Variants in MRC2 observed in about 807,000 individuals in gnomAD.
The protein encoded by MRC2 is mannose receptor C-type 2.
In MRC2, 84 loss-of-function variants were observed where a neutral mutation model predicts 206.2. The observed-to-expected ratio is 0.41, with a 90% CI of 0.34 to 0.49. MRC2 has a LOEUF of 0.49. Among genes scored for constraint, MRC2 ranks in the 20% least tolerant of loss-of-function variants. The pLI is 0.31. For missense variants in MRC2, 1,676 were observed against 2,001.5 expected (o/e 0.84, Z 3.10); for synonymous variants, 798 against 800.0 (o/e 1.00, Z 0.04).
In MRC2 at chr17:62,680,851, A is replaced by G; in HGVS notation, c.2525A>G (p.His842Arg). Residue 842 changes from histidine to arginine, a missense_variant, in exon 17 of 30, where the codon CAC becomes CGC. Physicochemically the swap from His to Arg is conservative, Grantham distance 29. Around this residue, in one of 3 missense-constraint regions of MRC2, gnomAD observed 1,354 missense variants for 1,636.6 expected, o/e 0.83. Transcript: ENST00000303375. This position sits in a 1 kb window ranked among gnomAD's most constrained non-coding sequence, Gnocchi z 4.8. The stretch of plus-strand genomic sequence containing the variant: ...GAGGCCGAGTACAAGTTCTTTGAGC[A>G]CCACTCCACGTGGGCGCAGGCGCAG... ...FQEAEYKFFEHHSTWAQAQRI... is the reference protein window; with the variant it reads ...FQEAEYKFFERHSTWAQAQRI... 6.2e-7 allele frequency: 1 copy of G among 1,613,070 alleles called. No homozygotes were observed. The highest frequency in any genetic ancestry group is 1.7e-5 in the Admixed American group (1 of 60,002).
Position 62,680,492 on chromosome 17 carries a change from G to A in MRC2, c.2473+39G>A. ...AGCCCATCCCGCTACCCATCGCGTG[G>A]GAGAGGGCGTCAACTCTGGGGTAAG... On this transcript the variant is annotated intron_variant, in intron 16 of 29. Transcript: ENST00000303375. The surrounding 1 kb of genome is among the most constrained non-coding windows in gnomAD (Gnocchi z 4.8). 5 of 1,613,038 alleles carry A rather than the reference G, an allele frequency of 3.1e-6. No individual in the cohort carries two copies. In the South Asian group the frequency reaches 3.3e-5, roughly 11 times the overall value.
chr17:62,649,110 C>T (rs1164359684), intron 1 of MRC2, among the ~76,000 whole-genome samples: 1 of 152,236 alleles, frequency 6.6e-6, no homozygotes, highest in African/African-American at 2.4e-5. Context: ...AGCAGAGGTG[C>T]GAACCTGGGT....
chr17:62,678,098 T>A (rs1179206938), intron 12 of MRC2, among the ~76,000 whole-genome samples: 1 of 152,134 alleles, frequency 6.6e-6, no homozygotes, highest in Non-Finnish European at 1.5e-5. Flanking sequence ...GCTGTCACAA[T>A]GGAGATTTAG....
At chr17:62,681,584 C>G in intron 18 of MRC2, 1 of 497,746 alleles carries the variant, frequency 2.0e-6, no homozygotes, top group Non-Finnish European at 3.5e-6. Context: ...CTTGGGCTTC[C>G]TGCCCTGGAG....
At chr17:62,686,451 T>TCAA (rs58330151) in intron 20 of MRC2, among the ~76,000 whole-genome samples, 6,166 of 150,128 alleles carry the variant, frequency 0.041, 409 homozygotes, top group African/African-American at 0.14. Flanking sequence ...AGACTCCATC[T>TCAA]CAACAACAAC....
At chr17:62,635,651 C>T (rs2088304440) in intron 1 of MRC2, among the ~76,000 whole-genome samples, 1 of 152,124 alleles carries the variant, frequency 6.6e-6, no homozygotes, top group Admixed American at 6.5e-5. Flanking sequence ...GTTCATTGGC[C>T]TCAATTGTAA....
chr17:62,656,232 A>G (rs189503056), intron 1 of MRC2, among the ~76,000 whole-genome samples: 242 of 152,270 alleles, frequency 1.6e-3, no homozygotes, highest in African/African-American at 5.6e-3. Context: ...CTTTTAGTAG[A>G]GATGGAGTTT....
chr17:62,668,210 A>T (rs1419135559), intron 6 of MRC2, among the ~76,000 whole-genome samples: 1 of 151,890 alleles, frequency 6.6e-6, no homozygotes, highest in African/African-American at 2.4e-5. Flanking sequence ...TTTTTAAAAA[A>T]TTAGCTGAGT....
At position 62,667,784 on chromosome 17, in the gene MRC2, A is replaced by G. The variant is rs1228948280; in HGVS notation, c.1117+251A>G. Among the ~76,000 whole-genome samples, 1 of 152,238 alleles carries G rather than the reference A, an allele frequency of 6.6e-6. No individual in the cohort carries two copies. The highest frequency in any genetic ancestry group is 2.4e-5 in the African/African-American group (1 of 41,456). ...TACCCACTGTTACCTCGTAGAGACC[A>G]CAGTCTGCTGGAGGTGACAGACATC... is the stretch of plus-strand genomic sequence containing the variant. On this transcript the variant is annotated intron_variant, in intron 6 of 29. Transcript: ENST00000303375. This position sits in a 1 kb window ranked among gnomAD's most constrained non-coding sequence, Gnocchi z 4.1.
chr17:62,636,461 ATTTTTTTT>A (rs60774612), intron 1 of MRC2, among the ~76,000 whole-genome samples: 6 of 76,946 alleles, frequency 7.8e-5, no homozygotes, highest in African/African-American at 1.6e-4. Context: ...TAATCTTCTG[ATTTTTTTT>A]TTTTTTTTTT....
At chr17:62,684,330 C>T (rs1333223263) in intron 20 of MRC2, among the ~76,000 whole-genome samples, 1 of 152,156 alleles carries the variant, frequency 6.6e-6, no homozygotes, top group Non-Finnish European at 1.5e-5. Context: ...GGCTAGTAGG[C>T]TGGGACGCTG....
Position 62,632,588 on chromosome 17 carries a change from G to A in MRC2, c.118+4668G>A, listed in dbSNP as rs537507686. Among the ~76,000 whole-genome samples, 206 of 152,230 alleles carry A rather than the reference G, an allele frequency of 1.4e-3. 3 individuals carry two copies. The highest frequency in any genetic ancestry group is 4.8e-3 in the African/African-American group (199 of 41,548). ...CACCTCCAGGCTTCTGCCCACGCAC[G>A]ATCACTTTGCCTGGTGTGCCTCCCC... On this transcript the variant is annotated intron_variant, in intron 1 of 29. Transcript: ENST00000303375.
At position 62,640,017 on chromosome 17, in the gene MRC2, C is replaced by CTTT. The variant is rs56703312; in HGVS notation, c.118+12119_118+12121dup. On this transcript the variant is annotated intron_variant, in intron 1 of 29. Coordinates refer to ENST00000303375, the MANE Select transcript of MRC2 (RefSeq NM_006039.5). The stretch of plus-strand genomic sequence containing the variant: ...TACAGGCACCTGCCACCATGCCCAG[C>CTTT]TTTTTTTTTTTTTTTTTTTTTTTTG... 6.0e-3 allele frequency among the ~76,000 whole-genome samples: 444 copies of CTTT among 74,350 alleles called. 14 individuals carry two copies. Among genetic ancestry groups the CTTT allele is most frequent in the Non-Finnish European group, 6.2e-3 (262 of 42,192 alleles). The allele number at this position is 74,350 out of a possible 152,430, so 48.8% of individuals were successfully genotyped here. A position where few individuals can be genotyped will look rare whatever the true frequency, so the allele number is the denominator to read the frequency against.
intron 1 of MRC2, among the ~76,000 whole-genome samples, chr17:62,655,688 C>A (rs1483955039): frequency 6.7e-6 from 1 of 148,798 alleles, no homozygotes; most frequent in Non-Finnish European, 1.5e-5. Flanking sequence ...CACTGCACTC[C>A]AGCCTGGACA....
intron 1 of MRC2, among the ~76,000 whole-genome samples, chr17:62,629,347 C>T (rs2084197610): frequency 6.6e-6 from 1 of 152,218 alleles, no homozygotes; most frequent in Non-Finnish European, 1.5e-5. Flanking sequence ...GCCTTTCCCC[C>T]TGGAGCTTTT....
intron 14 of MRC2, 85 bp downstream of exon 14, chr17:62,679,987 G>T: frequency 6.8e-7 from 1 of 1,461,318 alleles, no homozygotes; most frequent in Non-Finnish European, 9.2e-7. Context: ...GAGGTGGGCG[G>T]GTTTTCTTGA....
intron 1 of MRC2, among the ~76,000 whole-genome samples, chr17:62,653,109 C>T (rs555053500): frequency 1.5e-3 from 223 of 152,224 alleles, no homozygotes; most frequent in Admixed American, 4.4e-3. Context: ...AAGGGCCGGG[C>T]GCTGCCCGGA....
chr17:62,674,540 T>C (rs1015418284), intron 9 of MRC2, among the ~76,000 whole-genome samples: 2 of 152,120 alleles, frequency 1.3e-5, no homozygotes, highest in Non-Finnish European at 2.9e-5. Flanking sequence ...GTGGCCCCTG[T>C]GCACCGCCAG....
At chr17:62,651,627 T>A (rs1297765405) in intron 1 of MRC2, among the ~76,000 whole-genome samples, 1 of 152,174 alleles carries the variant, frequency 6.6e-6, no homozygotes, top group Non-Finnish European at 1.5e-5. Context: ...CAGGCTAGAG[T>A]GCAGTGGTGC....
Sources: gnomAD v4.1 joint callset for allele counts (sites outside exome capture counted in the v4.1 genomes callset) on GRCh38, gnomAD v4.1.1 for gene constraint, gnomAD v4.1.1 regional missense constraint, Gnocchi (gnomAD v3.1) non-coding constraint, MANE v1.5 for transcripts, NCBI Gene and HGNC (gene_info 2026-07-23, HGNC 2026-07-21) for gene names.